The following RPS6KA2 variants were observed in gnomAD, a reference collection of about 807,000 sequenced individuals.
The protein encoded by RPS6KA2 is ribosomal protein S6 kinase alpha-2.
In RPS6KA2, 42 loss-of-function variants were observed where a neutral mutation model predicts 91.8. That is an observed-to-expected ratio of 0.46 (90% CI 0.36 to 0.59). The LOEUF (loss-of-function observed/expected upper bound fraction) is 0.59, where lower values mean the gene tolerates loss of function less well. Ranked by LOEUF, RPS6KA2 falls within the 20% of genes least tolerant of loss-of-function variation. The pLI, the probability that RPS6KA2 is intolerant of heterozygous loss-of-function variation, is 0.00. For synonymous variants in RPS6KA2, 414 were observed against 393.6 expected (o/e 1.05, Z -0.61); for missense variants, 798 against 978.5 (o/e 0.82, Z 2.46).
In RPS6KA2 at chr6:166,476,812, T is replaced by TCCAGGGC. The variant is rs1385575287; in HGVS notation, c.908-6914_908-6908dup. Among the ~76,000 whole-genome samples, 3 of 151,902 alleles carry TCCAGGGC rather than the reference T, an allele frequency of 2.0e-5. No individual in the cohort carries two copies. In the South Asian group the frequency reaches 6.2e-4, roughly 32 times the overall value. ...GGGCCCTGAGGTCCTGTGTGGCGAG[T>TCCAGGGC]CCAGGGCGGGAGAGCTCTGGCATTG... On this transcript the variant is annotated intron_variant, in intron 10 of 20. Transcript: ENST00000265678.
intron 10 of RPS6KA2, 23 bp from the exon 11 acceptor site, chr6:166,469,928 C>G (rs1780696792): frequency 1.2e-6 from 2 of 1,605,990 alleles, no homozygotes; most frequent in East Asian, 4.5e-5. Flanking sequence ...CAGAAATGAT[C>G]ATCAGAACAA....
At position 166,668,266 on chromosome 6, in the gene RPS6KA2, C is replaced by T. The variant is rs564666989; in HGVS notation, c.124-129482G>A. ...TGAGGCGTGAAGTCCCAAATCCAAGCCCACCCTCGTTCCTTCCCTTGTGTG... is the reference window on the plus strand; with the variant it reads ...TGAGGCGTGAAGTCCCAAATCCAAGTCCACCCTCGTTCCTTCCCTTGTGTG... On this transcript the variant is annotated intron_variant, in intron 2 of 21. Transcript: ENST00000503859. 2.7e-4 allele frequency among the ~76,000 whole-genome samples: 41 copies of T among 152,304 alleles called. No individual in the cohort carries two copies. The South Asian group carries it at 5.4e-3, about 20-fold the overall frequency.
upstream of RPS6KA2, among the ~76,000 whole-genome samples, chr6:166,630,871 A>T (rs922355144): frequency 1.3e-5 from 2 of 152,244 alleles, no homozygotes; most frequent in Non-Finnish European, 2.9e-5. Context: ...GCTCAGGAAG[A>T]TGGTCTTAAA....
chr6:166,616,817 C>A lies in RPS6KA2; in HGVS notation c.99+10104G>T, dbSNP rs367777802. Reference sequence around the variant, plus strand: ...GGGGCAGTGAGCCCACTGTGGTGCCCATGGGGGGCTGCCCAGCAGGAGCCA... The same window carrying A: ...GGGGCAGTGAGCCCACTGTGGTGCCAATGGGGGGCTGCCCAGCAGGAGCCA... On this transcript the variant is annotated intron_variant, in intron 1 of 20. Transcript: ENST00000265678. Among the ~76,000 whole-genome samples the A allele has an allele frequency of 1.3e-3, 194 of 152,344 alleles. 1 individual carries two copies. The highest frequency in any genetic ancestry group is 4.4e-3 in the African/African-American group (183 of 41,592).
chr6:166,574,010 T>C (rs2128511320), intron 1 of RPS6KA2, among the ~76,000 whole-genome samples: 1 of 152,244 alleles, frequency 6.6e-6, no homozygotes, highest in African/African-American at 2.4e-5. Flanking sequence ...AAACCATCTC[T>C]ACGCGGTCCA....
intron 2 of RPS6KA2, among the ~76,000 whole-genome samples, chr6:166,716,312 A>G (rs1244356691): frequency 6.6e-6 from 1 of 152,224 alleles, no homozygotes; most frequent in Non-Finnish European, 1.5e-5. Flanking sequence ...TAAGAAAAAC[A>G]GAAAAACAAA....
Position 166,419,473 on chromosome 6 carries a change from A to G in RPS6KA2, c.1820+409T>C, listed in dbSNP as rs920640997. Among the ~76,000 whole-genome samples the G allele has an allele frequency of 1.6e-4, 25 of 152,346 alleles. No homozygotes were observed. The highest frequency in any genetic ancestry group is 3.6e-4 in the African/African-American group (15 of 41,586). On this transcript the variant is annotated intron_variant, in intron 18 of 20. Coordinates refer to ENST00000265678, the MANE Select transcript of RPS6KA2 (RefSeq NM_021135.6). The surrounding 1 kb of genome is among the most constrained non-coding windows in gnomAD (Gnocchi z 5.6). ...CTTACCACAATGAACCGGCCCGTGC[A>G]TGACTCATGACCACGAAACCCAGGT...
At chr6:166,701,462 C>A (rs1216982676) in intron 2 of RPS6KA2, 1 of 1,152,252 alleles carries the variant, frequency 8.7e-7, no homozygotes, top group South Asian at 1.2e-5. Flanking sequence ...GGTGATCCAG[C>A]GATCATCACC....
intron 1 of RPS6KA2, among the ~76,000 whole-genome samples, chr6:166,577,254 C>T (rs911603453): frequency 6.6e-6 from 1 of 152,256 alleles, no homozygotes; most frequent in Non-Finnish European, 1.5e-5. Flanking sequence ...AACCCCCACA[C>T]AGAGTCCTTA....
chr6:166,659,932 T>G (rs1379556177), intron 2 of RPS6KA2, among the ~76,000 whole-genome samples: 1 of 147,498 alleles, frequency 6.8e-6, no homozygotes, highest in Non-Finnish European at 1.5e-5. Context: ...TTTTGTATTT[T>G]TTTTTTTTTA....
intron 1 of RPS6KA2, among the ~76,000 whole-genome samples, chr6:166,604,675 C>T (rs1436778320): frequency 2.6e-5 from 4 of 152,196 alleles, no homozygotes; most frequent in Non-Finnish European, 5.9e-5. Context: ...GTGCTCAGAA[C>T]ATGGGGCGCC....
Position 166,550,863 on chromosome 6 carries a change from T to C in RPS6KA2, c.100-12079A>G, listed in dbSNP as rs576818568. On this transcript the variant is annotated intron_variant, in intron 1 of 20. Transcript: ENST00000265678. ...TAAAATACAAAAAATTAGCCAGGCG[T>C]GGTGGCGGGCGCCTGTAGTCCCAGC... is the stretch of plus-strand genomic sequence containing the variant. Among the ~76,000 whole-genome samples the C allele has an allele frequency of 4.0e-4, 61 of 151,640 alleles. 1 individual carries two copies. The East Asian group carries it at 5.4e-3, about 14-fold the overall frequency.
chr6:166,796,434 C>T (rs1327953730), intron 2 of RPS6KA2, among the ~76,000 whole-genome samples: 1 of 152,090 alleles, frequency 6.6e-6, no homozygotes, highest in African/African-American at 2.4e-5. Context: ...ATTAAAAACA[C>T]AAAAATTAGC....
At chr6:166,833,099 A>G (rs1397057595) in intron 2 of RPS6KA2, among the ~76,000 whole-genome samples, 2 of 152,246 alleles carry the variant, frequency 1.3e-5, no homozygotes, top group Non-Finnish European at 2.9e-5. Context: ...AAGCACTTGC[A>G]TGGTACTACC....
intron 2 of RPS6KA2, among the ~76,000 whole-genome samples, chr6:166,807,102 A>G (rs1306634892): frequency 6.6e-6 from 1 of 152,240 alleles, no homozygotes; most frequent in Non-Finnish European, 1.5e-5. Flanking sequence ...AAAACGCTAT[A>G]ATATAGAAAA....
chr6:166,572,880 C>T (rs901823559), intron 1 of RPS6KA2, among the ~76,000 whole-genome samples: 2 of 152,252 alleles, frequency 1.3e-5, no homozygotes, highest in Non-Finnish European at 2.9e-5. Flanking sequence ...TCGGGTCTAC[C>T]CCTGCCTGCT....
intron 1 of RPS6KA2, among the ~76,000 whole-genome samples, chr6:166,597,887 C>A (rs972497579): frequency 6.6e-6 from 1 of 152,166 alleles, no homozygotes; most frequent in Non-Finnish European, 1.5e-5. Context: ...CAGCCGGGCA[C>A]CGTGCTATTG....
chr6:166,583,437 G>A (rs920389302), intron 1 of RPS6KA2, among the ~76,000 whole-genome samples: 9 of 152,214 alleles, frequency 5.9e-5, no homozygotes, highest in Non-Finnish European at 7.3e-5. Context: ...GCACAGAGGC[G>A]AAAACCAATG....
At chr6:166,584,730 C>T (rs755409338) in intron 1 of RPS6KA2, among the ~76,000 whole-genome samples, 23 of 152,222 alleles carry the variant, frequency 1.5e-4, no homozygotes, top group Admixed American at 1.0e-3. Context: ...AAAGGAGCTA[C>T]GCTGTCATGC....
Sources: allele counts gnomAD v4.1 joint callset (sites outside exome capture counted in the v4.1 genomes callset), GRCh38; gene constraint gnomAD v4.1.1; non-coding constraint Gnocchi (gnomAD v3.1); transcripts MANE v1.5; gene names NCBI Gene and HGNC (gene_info 2026-07-23, HGNC 2026-07-21).